The following ANXA8 variants were observed in gnomAD, a reference collection of about 807,000 sequenced individuals.
ANXA8 encodes the protein annexin A8.
Under a neutral mutation model 26.8 loss-of-function variants are expected in ANXA8, and 9 were observed. That is an observed-to-expected ratio of 0.34 (90% CI 0.20 to 0.59). The LOEUF is 0.59. Ranked by LOEUF, ANXA8 falls within the 20% of genes least tolerant of loss-of-function variation. The pLI, the probability that ANXA8 is intolerant of heterozygous loss-of-function variation, is 0.84. For missense variants in ANXA8, 83 were observed against 238.5 expected (o/e 0.35, Z 4.29); for synonymous variants, 39 against 94.8 (o/e 0.41, Z 3.42).
the ANXA8 span, among the ~76,000 whole-genome samples, chr10:47,585,263 C>CAAAA: frequency 6.9e-5 from 3 of 43,592 alleles, no homozygotes; most frequent in African/African-American, 1.6e-4. Context: ...GACTCCATCT[C>CAAAA]AAAAAAAAAA....
chr10:47,760,972 G>A, the ANXA8 span: 18 of 1,528,738 alleles, frequency 1.2e-5, no homozygotes, highest in African/African-American at 2.8e-5. Flanking sequence ...GCAAGTGAAT[G>A]GTGTGGTCTC....
intron 9 of ANXA8, 138 bp downstream of exon 9, chr10:47,473,832 G>A: frequency 4.5e-6 from 1 of 220,788 alleles, no homozygotes; most frequent in South Asian, 2.6e-5. Flanking sequence ...GACAGGCAGA[G>A]TGTGAGTCGG....
the ANXA8 span, among the ~76,000 whole-genome samples, chr10:47,533,134 A>T: frequency 6.7e-6 from 1 of 149,756 alleles, no homozygotes; most frequent in African/African-American, 2.5e-5. Flanking sequence ...AGATACGTTC[A>T]GCAAAACAGT....
the ANXA8 span, among the ~76,000 whole-genome samples, chr10:47,597,580 T>C: frequency 2.2e-5 from 3 of 138,078 alleles, no homozygotes; most frequent in South Asian, 2.2e-4. Context: ...GAAATCAATA[T>C]ACAAAAAGCA....
the ANXA8 span, among the ~76,000 whole-genome samples, chr10:47,951,635 C>T: frequency 0.029 from 4,263 of 148,370 alleles, 34 homozygotes; most frequent in Non-Finnish European, 0.044. Context: ...CATGGTGAAA[C>T]CCCATCTCTA....
the ANXA8 span, among the ~76,000 whole-genome samples, chr10:47,682,476 T>TC: frequency 6.9e-6 from 1 of 145,462 alleles, no homozygotes; most frequent in African/African-American, 2.6e-5. Flanking sequence ...TTTCTTTTTT[T>TC]TTTTTTTTTT....
the ANXA8 span, among the ~76,000 whole-genome samples, chr10:47,949,602 T>C: frequency 6.6e-6 from 1 of 150,678 alleles, no homozygotes; most frequent in African/African-American, 2.5e-5. Context: ...TAAAGCAAAA[T>C]ATGTAATGAT....
the ANXA8 span, among the ~76,000 whole-genome samples, chr10:47,701,992 A>C: frequency 6.7e-6 from 1 of 150,308 alleles, no homozygotes; most frequent in Admixed American, 6.6e-5. Context: ...AGTTAGAAAT[A>C]TGTTTCTCAA....
the ANXA8 span, among the ~76,000 whole-genome samples, chr10:47,693,668 T>G: frequency 6.6e-6 from 1 of 151,830 alleles, no homozygotes; most frequent in Non-Finnish European, 1.5e-5. Flanking sequence ...CTGGCAATAT[T>G]AGCTAATATT....
chr10:47,973,901 TTTG>T, the ANXA8 span, among the ~76,000 whole-genome samples: 3 of 151,066 alleles, frequency 2.0e-5, no homozygotes, highest in South Asian at 2.1e-4. Context: ...TCCAGGGCTT[TTTG>T]TTGTTGTCGT....
chr10:47,769,547 C>T, the ANXA8 span, among the ~76,000 whole-genome samples: 2 of 151,686 alleles, frequency 1.3e-5, no homozygotes, highest in Non-Finnish European at 2.9e-5. Flanking sequence ...AATACCTGCT[C>T]CTTCCAAGTG....
chr10:47,980,019 T>C, the ANXA8 span, among the ~76,000 whole-genome samples: 5 of 151,240 alleles, frequency 3.3e-5, no homozygotes, highest in African/African-American at 1.2e-4. Context: ...TACATGTATA[T>C]TCATCCATAA....
the ANXA8 span, among the ~76,000 whole-genome samples, chr10:47,660,808 CAAAAA>C: frequency 3.3e-5 from 2 of 61,018 alleles, no homozygotes; most frequent in Admixed American, 1.8e-4. Context: ...CACTGACTGT[CAAAAA>C]AAAAAAAAAA....
Position 47,474,992 on chromosome 10 carries a change from C to A in ANXA8, c.505G>T (p.Asp169Tyr). 1 of 1,531,514 alleles carries A rather than the reference C, an allele frequency of 6.5e-7. No homozygotes were observed. Among genetic ancestry groups the A allele is most frequent in the Non-Finnish European group, 8.8e-7 (1 of 1,131,810 alleles). The allele number at this position is 1,531,514 out of a possible 1,614,324, so 94.9% of individuals were successfully genotyped here. The change falls in exon 7 of 12, where the codon GAT (aspartate) becomes TAT (tyrosine). Residue 169 changes from aspartate to tyrosine, a missense_variant. Physicochemically the swap from Asp to Tyr is radical, Grantham distance 160. This residue lies in a region of ANXA8 where 24 missense variants were observed against 30.6 expected (regional missense o/e 0.78). Coordinates refer to ENST00000585281, the MANE Select transcript of ANXA8 (RefSeq NM_001040084.3). ...CCTGGGTCCACAAAGCTGCTCACAT[C>A]ATCCCTGCTGCCCTAGGAACAGAGG... ...LVCLLQGSRDDVSSFVDPGLA... is the reference protein window; with the variant it reads ...LVCLLQGSRDYVSSFVDPGLA...
chr10:47,896,932 A>ATTTT, the ANXA8 span, among the ~76,000 whole-genome samples: 1 of 128,484 alleles, frequency 7.8e-6, no homozygotes, highest in African/African-American at 2.9e-5. Context: ...TTATTTATTT[A>ATTTT]TTTATTTTTA....
At chr10:47,985,793 G>C in the ANXA8 span, 1 of 148,930 alleles carries the variant, frequency 6.7e-6, no homozygotes, top group East Asian at 2.0e-4. Context: ...ATACTAGTCT[G>C]ATTTTTAAAT....
chr10:47,552,794 C>T, the ANXA8 span, among the ~76,000 whole-genome samples: 467 of 151,900 alleles, frequency 3.1e-3, 5 homozygotes, highest in Non-Finnish European at 4.9e-3. Flanking sequence ...GTATTCATTC[C>T]GTTTAATAAA....
At chr10:47,627,835 T>C in the ANXA8 span, among the ~76,000 whole-genome samples, 2 of 149,386 alleles carry the variant, frequency 1.3e-5, no homozygotes, top group East Asian at 3.9e-4. Flanking sequence ...CTAAGTTCAT[T>C]ACTCTCATTT....
rs1182827506 is a variant in ANXA8 at position 47,476,324 on chromosome 10, T to C, written c.322-2A>G. The C allele has an allele frequency of 2.5e-6, 1 of 399,604 alleles. No individual in the cohort carries two copies. Among genetic ancestry groups the C allele is most frequent in the African/African-American group, 6.0e-5 (1 of 16,702 alleles). The allele number at this position is 399,604 out of a possible 1,614,324, so 24.8% of individuals were successfully genotyped here. On this transcript the variant is annotated splice_acceptor_variant, in intron 4 of 11. Coordinates refer to ENST00000585281, the MANE Select transcript of ANXA8 (RefSeq NM_001040084.3). LOFTEE classifies it high-confidence loss of function. ...GACACCCTCCTTGGTTCCTAAGCCCTGTGGACAGAAACCTCTGCCTGCTGG... is the reference window on the plus strand; with the variant it reads ...GACACCCTCCTTGGTTCCTAAGCCCCGTGGACAGAAACCTCTGCCTGCTGG...
Sources: allele counts gnomAD v4.1 joint callset (sites outside exome capture counted in the v4.1 genomes callset), GRCh38; gene constraint gnomAD v4.1.1; regional missense constraint gnomAD v4.1.1; transcripts MANE v1.5; gene names NCBI Gene and HGNC (gene_info 2026-07-23, HGNC 2026-07-21).